SLIT3: variants seen among roughly 807,000 people sequenced by gnomAD.
SLIT3 encodes the protein slit homolog 3 protein.
SLIT3 carries 68 observed loss-of-function variants against 184.0 expected under a neutral mutation model. That is an observed-to-expected ratio of 0.37 (90% confidence interval 0.30 to 0.45). SLIT3 has a LOEUF of 0.45. Among genes scored for constraint, SLIT3 ranks in the 20% least tolerant of loss-of-function variants. The pLI is 1.00. For synonymous variants in SLIT3, 831 were observed against 828.6 expected (o/e 1.00, Z -0.05); for missense variants, 1,707 against 2,026.0 (o/e 0.84, Z 3.02).
At chr5:169,299,279 T>G (rs1196410059) in intron 1 of SLIT3, among the ~76,000 whole-genome samples, 1 of 152,188 alleles carries the variant, frequency 6.6e-6, no homozygotes, top group Non-Finnish European at 1.5e-5. Context: ...AAGACAGTTC[T>G]GCTGAGTCTC....
At chr5:168,744,514 T>C (rs1763742589) in intron 20 of SLIT3, among the ~76,000 whole-genome samples, 2 of 152,314 alleles carry the variant, frequency 1.3e-5, no homozygotes, top group Admixed American at 1.3e-4. Context: ...GAGAAGTCAA[T>C]GCCTGGTTTC....
chr5:168,817,599 T>A, intron 7 of SLIT3, 136 bp from the exon 8 acceptor site: 1 of 776,900 alleles, frequency 1.3e-6, no homozygotes, highest in Non-Finnish European at 2.1e-6. Flanking sequence ...GGGAAGCAAT[T>A]CCCTCTGCAC....
intron 1 of SLIT3, among the ~76,000 whole-genome samples, chr5:169,269,973 A>G (rs1286663911): frequency 6.6e-6 from 1 of 152,236 alleles, no homozygotes; most frequent in Admixed American, 6.5e-5. Flanking sequence ...TCCTATTACA[A>G]ATCACGTTCT....
intron 5 of SLIT3, among the ~76,000 whole-genome samples, chr5:168,864,960 G>A (rs1418272060): frequency 7.9e-5 from 12 of 152,122 alleles, no homozygotes; most frequent in Admixed American, 7.2e-4. Context: ...CTGAGGTCAG[G>A]AGTTCAAGAC....
chr5:169,086,534 A>G (rs1759305736), intron 4 of SLIT3, among the ~76,000 whole-genome samples: 1 of 152,262 alleles, frequency 6.6e-6, no homozygotes. Flanking sequence ...AAAATAAAAG[A>G]AATGCACATT....
intron 5 of SLIT3, among the ~76,000 whole-genome samples, chr5:168,846,702 G>A (rs745643414): frequency 2.0e-5 from 3 of 152,102 alleles, no homozygotes; most frequent in Non-Finnish European, 4.4e-5. Flanking sequence ...GTGTAGAGAT[G>A]GCAGTTTGTG....
chr5:169,048,381 A>G (rs559141469), intron 4 of SLIT3, among the ~76,000 whole-genome samples: 5 of 152,300 alleles, frequency 3.3e-5, no homozygotes, highest in Non-Finnish European at 5.9e-5. Context: ...AACTTTTGTT[A>G]TTGTTTCTTA....
chr5:169,277,864 C>T (rs1032480463), intron 1 of SLIT3, among the ~76,000 whole-genome samples: 13 of 152,290 alleles, frequency 8.5e-5, no homozygotes, highest in Middle Eastern at 3.4e-3. Context: ...CACCATTTTA[C>T]GTTTCACCAG....
intron 5 of SLIT3, among the ~76,000 whole-genome samples, chr5:168,882,611 C>T (rs1033087258): frequency 1.3e-4 from 20 of 152,048 alleles, no homozygotes; most frequent in African/African-American, 2.9e-4. Flanking sequence ...TACTGTACTG[C>T]GGTTATGTCA....
rs1448383799 is a variant in SLIT3, at chr5:168,773,799, G to GA, written c.1295+435_1295+436insT. ...TGCAGGGTGGAGGGGGTTAAGCGGG[G>GA]GCAGGAGTGGGCTATCTGCAGAAAT... On this transcript the variant is annotated intron_variant, in intron 13 of 35. Transcript: ENST00000519560. Among the ~76,000 whole-genome samples, 22 of 152,182 alleles carry GA rather than the reference G, an allele frequency of 1.4e-4. 1 individual carries two copies. In the South Asian group the frequency reaches 4.6e-3, roughly 32 times the overall value.
At chr5:168,741,789 G>A (rs1763647287) in intron 20 of SLIT3, among the ~76,000 whole-genome samples, 1 of 148,724 alleles carries the variant, frequency 6.7e-6, no homozygotes, top group South Asian at 2.2e-4. Flanking sequence ...ACTATGTGCT[G>A]CACAAAGGGC....
At position 168,935,415 on chromosome 5, in the gene SLIT3, G is replaced by A. The variant is rs1023456893; in HGVS notation, c.414-52079C>T. On this transcript the variant is annotated intron_variant, in intron 4 of 35. Coordinates refer to ENST00000519560, the MANE Select transcript of SLIT3 (RefSeq NM_003062.4). ...CCTGCAGGGATGATTTGTTCCTATT[G>A]TGGTCAGCTCTGGATTCCATCTTAT... Among the ~76,000 whole-genome samples the A allele has an allele frequency of 2.0e-5, 3 of 152,158 alleles. No individual in the cohort carries two copies. In the South Asian group the frequency reaches 6.2e-4, roughly 32 times the overall value.
intron 6 of SLIT3, among the ~76,000 whole-genome samples, chr5:168,841,989 GCTAAT>G (rs1758270011): frequency 4.6e-5 from 7 of 152,166 alleles, no homozygotes; most frequent in Admixed American, 4.6e-4. Context: ...AATTTATCAA[GCTAAT>G]GTGTAATACT....
intron 6 of SLIT3, among the ~76,000 whole-genome samples, chr5:168,828,321 G>A (rs188976661): frequency 6.0e-4 from 91 of 152,102 alleles, no homozygotes; most frequent in African/African-American, 2.1e-3. Flanking sequence ...AAGGAACTTG[G>A]GCAGTGGTTC....
At chr5:169,137,457 T>C (rs1581447126) in intron 4 of SLIT3, among the ~76,000 whole-genome samples, 1 of 151,916 alleles carries the variant, frequency 6.6e-6, no homozygotes, top group Admixed American at 6.6e-5. Context: ...CCTCGTCTTC[T>C]CCTATCAATG....
chr5:169,200,200 G>T (rs753534500), intron 3 of SLIT3, among the ~76,000 whole-genome samples: 7 of 152,232 alleles, frequency 4.6e-5, no homozygotes, highest in Non-Finnish European at 7.3e-5. Context: ...CCTGGGCATG[G>T]CCCACTGCAC....
At chr5:169,010,897 A>G (rs1756117587) in intron 4 of SLIT3, among the ~76,000 whole-genome samples, 2 of 148,808 alleles carry the variant, frequency 1.3e-5, no homozygotes, top group Non-Finnish European at 3.0e-5. Context: ...CGACAGAGTG[A>G]GACTCTGTTT....
At chr5:168,732,768 A>G (rs888575018) in intron 20 of SLIT3, among the ~76,000 whole-genome samples, 1 of 152,122 alleles carries the variant, frequency 6.6e-6, no homozygotes, top group African/African-American at 2.4e-5. Context: ...TAGCCATATG[A>G]TGAAGAATGA....
At chr5:169,004,762 G>T (rs1044683849) in intron 4 of SLIT3, among the ~76,000 whole-genome samples, 9 of 152,078 alleles carry the variant, frequency 5.9e-5, no homozygotes, top group African/African-American at 1.9e-4. Context: ...CTTCATGATG[G>T]ATGAATTCCC....
Sources: gnomAD v4.1 joint callset for allele counts (sites outside exome capture counted in the v4.1 genomes callset) on GRCh38, gnomAD v4.1.1 for gene constraint, MANE v1.5 for transcripts, NCBI Gene and HGNC (gene_info 2026-07-23, HGNC 2026-07-21) for gene names.